ADCY8: variants seen among roughly 807,000 people sequenced by gnomAD.
ADCY8 encodes adenylate cyclase type 8.
In ADCY8, 51 loss-of-function variants were observed where a neutral mutation model predicts 119.7. The ratio of observed to expected loss-of-function variants is 0.43; its 90% CI spans 0.34 to 0.54. The LOEUF (loss-of-function observed/expected upper bound fraction) is 0.54, where lower values mean the gene tolerates loss of function less well. Among genes scored for constraint, ADCY8 ranks in the 20% least tolerant of loss-of-function variants. The pLI, the probability that ADCY8 is intolerant of heterozygous loss-of-function variation, is 0.03. For missense variants in ADCY8, 1,383 were observed against 1,598.8 expected, an observed-to-expected ratio of 0.87 and a Z score of 2.30; for synonymous variants, 665 against 651.0, an observed-to-expected ratio of 1.02 and a Z score of -0.33.
chr8:131,024,194 G>A (rs545043699), intron 1 of ADCY8, among the ~76,000 whole-genome samples: 1 of 152,292 alleles, frequency 6.6e-6, no homozygotes, highest in South Asian at 2.1e-4. Context: ...CGCGTGTTTG[G>A]CAGTTTCACG....
intron 8 of ADCY8, among the ~76,000 whole-genome samples, chr8:130,884,267 A>G (rs1024811728): frequency 1.3e-5 from 2 of 152,210 alleles, no homozygotes; most frequent in Admixed American, 6.5e-5. Context: ...CACTTGGCTT[A>G]ATAATCTGAA....
intron 5 of ADCY8, among the ~76,000 whole-genome samples, chr8:130,913,505 C>T (rs72714455): frequency 0.32 from 48,501 of 151,906 alleles, 8,752 homozygotes; most frequent in East Asian, 0.56. Flanking sequence ...ATATGTGTCA[C>T]TTCTGGGCAG....
At chr8:130,956,907 T>A (rs1821445069) in intron 2 of ADCY8, among the ~76,000 whole-genome samples, 1 of 152,186 alleles carries the variant, frequency 6.6e-6, no homozygotes, top group Non-Finnish European at 1.5e-5. Context: ...TCCCCAGCCA[T>A]GTGGAAATGT....
intron 9 of ADCY8, among the ~76,000 whole-genome samples, chr8:130,865,367 A>G (rs953212775): frequency 2.6e-5 from 4 of 151,472 alleles, no homozygotes; most frequent in Non-Finnish European, 5.9e-5. Context: ...TTATTTCTTG[A>G]GCTGTCTTTC....
At chr8:130,810,724 G>A in intron 14 of ADCY8, among the ~76,000 whole-genome samples, 1 of 152,196 alleles carries the variant, frequency 6.6e-6, no homozygotes, top group Middle Eastern at 3.2e-3. Context: ...AGTGTGAACT[G>A]TTTAAATATT....
intron 2 of ADCY8, among the ~76,000 whole-genome samples, chr8:130,976,954 G>A (rs1398975934): frequency 2.0e-5 from 3 of 152,176 alleles, no homozygotes; most frequent in South Asian, 4.1e-4. Context: ...CTGAAGCTCA[G>A]AGATTACCTT....
intron 7 of ADCY8, among the ~76,000 whole-genome samples, chr8:130,901,366 G>C (rs1819597496): frequency 6.7e-6 from 1 of 149,850 alleles, no homozygotes; most frequent in Non-Finnish European, 1.5e-5. Context: ...ACATAGCACA[G>C]AATATGACAC....
At chr8:130,848,779 A>G (rs2130311259) in intron 10 of ADCY8, among the ~76,000 whole-genome samples, 1 of 152,332 alleles carries the variant, frequency 6.6e-6, no homozygotes, top group South Asian at 2.1e-4. Flanking sequence ...AACACAGACT[A>G]CTTGTAAAAG....
At chr8:130,823,827 C>A (rs984579738) in intron 12 of ADCY8, among the ~76,000 whole-genome samples, 1 of 152,122 alleles carries the variant, frequency 6.6e-6, no homozygotes, top group Admixed American at 6.6e-5. Context: ...CCTTTTACCC[C>A]ATACAAAAAA....
In ADCY8 at chr8:130,904,014, C is replaced by T; in HGVS notation, c.1669G>A (p.Asp557Asn). 6.2e-7 allele frequency: 1 copy of T among 1,613,368 alleles called. No homozygotes were observed. Among genetic ancestry groups the T allele is most frequent in the Non-Finnish European group, 8.5e-7 (1 of 1,179,376 alleles). The change falls in exon 7 of 18, where the codon GAC becomes AAC. Residue 557 changes from aspartate to asparagine, a missense_variant. Physicochemically the swap from Asp to Asn is conservative, Grantham distance 23. Around this residue, in one of 2 missense-constraint regions of ADCY8, gnomAD observed 928 missense variants for 1,163.5 expected, o/e 0.80. Coordinates refer to ENST00000286355, the MANE Select transcript of ADCY8 (RefSeq NM_001115.3). ...ACGTTATAGTCACCGTTGAGACAGTCCAGCGTGGCTTTGGAAATGTGAATC... is the reference window on the plus strand; with the variant it reads ...ACGTTATAGTCACCGTTGAGACAGTTCAGCGTGGCTTTGGAAATGTGAATC... ...GRIHISKATLDCLNGDYNVEE... is the reference protein window; with the variant it reads ...GRIHISKATLNCLNGDYNVEE...
rs191798008 is a variant in ADCY8 at position 131,017,816 on chromosome 8, T to C, written c.960+21558A>G. Among the ~76,000 whole-genome samples the C allele has an allele frequency of 1.3e-3, 163 of 121,240 alleles. 1 individual carries two copies. Among genetic ancestry groups the C allele is most frequent in the Non-Finnish European group, 3.0e-4 (17 of 56,062 alleles). 79.5% of individuals were successfully genotyped at this position (121,240 alleles called of 152,430 possible). A position where few individuals can be genotyped will look rare whatever the true frequency, so the allele number is the denominator to read the frequency against. ...AAAATGATGGCAGAGAAGTATGCCA[T>C]GTAAGAGAAAAAAAAAAAATCCCAC... On this transcript the variant is annotated intron_variant, in intron 1 of 17. Transcript: ENST00000286355.
At chr8:131,021,264 G>A (rs1275603034) in intron 1 of ADCY8, among the ~76,000 whole-genome samples, 4 of 152,050 alleles carry the variant, frequency 2.6e-5, no homozygotes, top group Non-Finnish European at 5.9e-5. Context: ...TATCATCAGC[G>A]TTCTTGGATT....
At chr8:130,910,808 C>T (rs115847405) in intron 5 of ADCY8, among the ~76,000 whole-genome samples, 1,697 of 152,250 alleles carry the variant, frequency 0.011, 34 homozygotes, top group African/African-American at 0.039. Flanking sequence ...TGGATGATTT[C>T]CTGTAGTCAT....
At chr8:130,902,208 T>C (rs1819624994) in intron 7 of ADCY8, among the ~76,000 whole-genome samples, 1 of 152,182 alleles carries the variant, frequency 6.6e-6, no homozygotes, top group South Asian at 2.1e-4. Flanking sequence ...GAGGCATGCA[T>C]TTCTTTCTCT....
intron 9 of ADCY8, among the ~76,000 whole-genome samples, chr8:130,863,148 T>A (rs1023145913): frequency 6.6e-6 from 1 of 152,150 alleles, no homozygotes; most frequent in Admixed American, 6.5e-5. Context: ...AGTTTGACAT[T>A]CTCTTGTTAG....
chr8:130,787,911 G>C (rs931516563), intron 15 of ADCY8, among the ~76,000 whole-genome samples: 3 of 152,204 alleles, frequency 2.0e-5, no homozygotes, highest in Non-Finnish European at 4.4e-5. Context: ...ATGTGTGCAT[G>C]TGTGTGTGCG....
chr8:131,011,912 T>C (rs1315508584), intron 1 of ADCY8, among the ~76,000 whole-genome samples: 1 of 152,082 alleles, frequency 6.6e-6, no homozygotes, highest in African/African-American at 2.4e-5. Context: ...CTCCAGGACA[T>C]AGTGGACACA....
intron 5 of ADCY8, among the ~76,000 whole-genome samples, chr8:130,936,549 T>C (rs1820792860): frequency 1.3e-5 from 2 of 152,090 alleles, no homozygotes; most frequent in African/African-American, 4.8e-5. Context: ...CATCCTCTCT[T>C]GAAAACTCTC....
intron 13 of ADCY8, among the ~76,000 whole-genome samples, chr8:130,816,426 T>C (rs7833048): frequency 0.26 from 26,972 of 103,094 alleles, 3,253 homozygotes; most frequent in East Asian, 0.29. Context: ...AATTTTTTTT[T>C]CTTTTTTTTT....
Sources: allele counts gnomAD v4.1 joint callset (sites outside exome capture counted in the v4.1 genomes callset), GRCh38; gene constraint gnomAD v4.1.1; regional missense constraint gnomAD v4.1.1; transcripts MANE v1.5; gene names NCBI Gene and HGNC (gene_info 2026-07-23, HGNC 2026-07-21).